The following GFPT2 variants were observed in gnomAD, a reference collection of about 807,000 sequenced individuals.
GFPT2 encodes the protein glutamine--fructose-6-phosphate transaminase 2.
GFPT2 carries 62 observed loss-of-function variants against 85.6 expected under a neutral mutation model. That is an observed-to-expected ratio of 0.72 (90% CI 0.59 to 0.90). GFPT2 has a LOEUF of 0.90. Ranked by LOEUF, GFPT2 falls within the 40% of genes least tolerant of loss-of-function variation. GFPT2 has a pLI of 0.00. For synonymous variants in GFPT2, 368 were observed against 344.5 expected, an observed-to-expected ratio of 1.07 and a Z score of -0.75; for missense variants, 788 against 893.4, an observed-to-expected ratio of 0.88 and a Z score of 1.50.
chr5:180,328,125 G>T lies in GFPT2; in HGVS notation c.596+152C>A. The T allele has an allele frequency of 1.9e-6, 1 of 537,844 alleles. No homozygotes were observed. The highest frequency in any genetic ancestry group is 2.7e-5 in the South Asian group (1 of 37,208). 33.3% of individuals were successfully genotyped at this position (537,844 alleles called of 1,614,324 possible). ...AGCACCACCAGCCATGGAGATGGTGGGGCGCGGTCCCCGGGGCTGAGCCAC... is the reference window on the plus strand; with the variant it reads ...AGCACCACCAGCCATGGAGATGGTGTGGCGCGGTCCCCGGGGCTGAGCCAC... On this transcript the variant is annotated intron_variant, in intron 7 of 18. Transcript: ENST00000253778. The surrounding 1 kb of genome is among the most constrained non-coding windows in gnomAD (Gnocchi z 5.4).
At chr5:180,302,291 A>G in intron 18 of GFPT2, 132 bp downstream of exon 18, 1 of 675,432 alleles carries the variant, frequency 1.5e-6, no homozygotes, top group Non-Finnish European at 2.3e-6. Context: ...AATCTCAAAA[A>G]AAAAAAAAAG....
chr5:180,316,232 G>GTTCGCAGC (rs1764005923), intron 13 of GFPT2, 109 bp downstream of exon 13: 1 of 1,108,200 alleles, frequency 9.0e-7, no homozygotes. Context: ...GCAAGAGAGG[G>GTTCGCAGC]TTCGCAGCAC....
rs1465722687 is a variant in GFPT2, at chr5:180,317,071, A to G, written c.959-13T>C. The G allele has an allele frequency of 2.7e-6, 4 of 1,481,300 alleles. No individual in the cohort carries two copies. Among genetic ancestry groups the G allele is most frequent in the Non-Finnish European group, 3.8e-6 (4 of 1,058,730 alleles). 91.8% of individuals were successfully genotyped at this position (1,481,300 alleles called of 1,614,324 possible). On this transcript the variant is annotated splice_polypyrimidine_tract_variant and intron_variant, in intron 10 of 18. Coordinates refer to ENST00000253778, the MANE Select transcript of GFPT2 (RefSeq NM_005110.4). ...GCACTGAAGTTACCTGGTCAAATAA[A>G]CGTCTGGTCAGTTTTAATTTCATTA... is the stretch of plus-strand genomic sequence containing the variant.
intron 1 of GFPT2, among the ~76,000 whole-genome samples, chr5:180,341,428 A>G (rs1764512990): frequency 6.6e-6 from 1 of 152,260 alleles, no homozygotes; most frequent in African/African-American, 2.4e-5. Context: ...ATAAACTTCA[A>G]TGAAATGAAT....
chr5:180,321,400 T>C (rs945482027), intron 9 of GFPT2, among the ~76,000 whole-genome samples: 2 of 152,248 alleles, frequency 1.3e-5, no homozygotes, highest in Non-Finnish European at 2.9e-5. Flanking sequence ...TTAAAACCAA[T>C]GGCCCACCAG....
chr5:180,336,790 G>A (rs1258472879), intron 2 of GFPT2, among the ~76,000 whole-genome samples: 14 of 152,230 alleles, frequency 9.2e-5, no homozygotes, highest in Admixed American at 5.2e-4. Context: ...CCTCCAGGCC[G>A]CAGCTGCCCC....
chr5:180,306,674 G>A (rs747378601), intron 16 of GFPT2, among the ~76,000 whole-genome samples: 4 of 152,204 alleles, frequency 2.6e-5, no homozygotes, highest in African/African-American at 9.7e-5. Context: ...AGTTTGAGGG[G>A]TAACAAGGAA....
At chr5:180,332,739 C>T (rs1340578331) in intron 4 of GFPT2, among the ~76,000 whole-genome samples, 2 of 152,056 alleles carry the variant, frequency 1.3e-5, no homozygotes, top group African/African-American at 2.4e-5. Flanking sequence ...AGGGTTTCAC[C>T]ATGTTAGCCA....
At chr5:180,333,806 G>A (rs1196143314) in intron 4 of GFPT2, among the ~76,000 whole-genome samples, 1 of 152,178 alleles carries the variant, frequency 6.6e-6, no homozygotes, top group Non-Finnish European at 1.5e-5. Context: ...CAGGGCTGGA[G>A]TGTCCAAGTT....
At chr5:180,347,054 G>A (rs1170089415) in intron 1 of GFPT2, among the ~76,000 whole-genome samples, 3 of 152,184 alleles carry the variant, frequency 2.0e-5, no homozygotes, top group African/African-American at 4.8e-5. Context: ...GAAGAGACAG[G>A]GGATGGACCC....
chr5:180,310,914 C>T (rs1443604245), intron 15 of GFPT2, among the ~76,000 whole-genome samples: 3 of 147,706 alleles, frequency 2.0e-5, no homozygotes, highest in African/African-American at 7.5e-5. Context: ...GTTCAAAGGG[C>T]TTTGCAGACA....
intron 4 of GFPT2, among the ~76,000 whole-genome samples, chr5:180,335,414 G>A (rs374891556): frequency 6.6e-6 from 1 of 152,332 alleles, no homozygotes; most frequent in East Asian, 1.9e-4. Flanking sequence ...GTGGGGAAAA[G>A]ACAGGTTTAG....
At position 180,330,202 on chromosome 5, in the gene GFPT2, T is replaced by C. The variant is rs1764277987; in HGVS notation, c.534+498A>G. Among the ~76,000 whole-genome samples, 1 of 152,154 alleles carries C rather than the reference T, an allele frequency of 6.6e-6. No homozygotes were observed. The highest frequency in any genetic ancestry group is 2.4e-5 in the African/African-American group (1 of 41,440). On this transcript the variant is annotated intron_variant, in intron 6 of 18. Coordinates refer to ENST00000253778, the MANE Select transcript of GFPT2 (RefSeq NM_005110.4). The surrounding 1 kb of genome is among the most constrained non-coding windows in gnomAD (Gnocchi z 4.4). ...CAGGTGTGGTGGTGCGTGCCTGTAG[T>C]CTCAGCTAACTCAGGAGGCTGAGGC...
At chr5:180,340,291 C>T (rs989346278) in intron 1 of GFPT2, among the ~76,000 whole-genome samples, 21 of 152,050 alleles carry the variant, frequency 1.4e-4, no homozygotes, top group African/African-American at 4.3e-4. Context: ...ATGGCAACCT[C>T]CGCCTCCCGG....
intron 14 of GFPT2, among the ~76,000 whole-genome samples, chr5:180,312,826 G>C (rs528598334): frequency 1.3e-5 from 2 of 152,206 alleles, no homozygotes; most frequent in South Asian, 4.2e-4. Context: ...ACCCAGGCTG[G>C]AGTGCAGTGG....
intron 13 of GFPT2, 43 bp from the exon 14 acceptor site, chr5:180,314,007 CG>C (rs1561874347): frequency 6.5e-7 from 1 of 1,539,360 alleles, no homozygotes; most frequent in African/African-American, 1.4e-5. Flanking sequence ...CCGCCAGCCT[CG>C]GCCCCACCCC....
In GFPT2 at chr5:180,319,106, A is replaced by C. The variant is rs1581375804; in HGVS notation, c.795-150T>G. The C allele has an allele frequency of 1.8e-5, 12 of 668,948 alleles. No homozygotes were observed. In the East Asian group the frequency reaches 3.3e-4, roughly 18 times the overall value. The allele number at this position is 668,948 out of a possible 1,614,324, so 41.4% of individuals were successfully genotyped here. A position where few individuals can be genotyped will look rare whatever the true frequency, so the allele number is the denominator to read the frequency against. On this transcript the variant is annotated intron_variant, in intron 9 of 18. Transcript: ENST00000253778. ...ACTAAAAACATTGATTTGCAGGTGA[A>C]TCTTCCTTTTCTTCTCCACTCTTCC... is the stretch of plus-strand genomic sequence containing the variant.
At chr5:180,301,919 G>A (rs555055613) in intron 18 of GFPT2, among the ~76,000 whole-genome samples, 2 of 151,210 alleles carry the variant, frequency 1.3e-5, no homozygotes, top group Non-Finnish European at 2.9e-5. Context: ...AACTTTTCTT[G>A]CAAGAATATA....
rs1219444292 is a variant in GFPT2 at position 180,324,258 on chromosome 5, G to A, written c.724C>T (p.Leu242=). 6.2e-7 allele frequency: 1 copy of A among 1,612,680 alleles called. No individual in the cohort carries two copies. The highest frequency in any genetic ancestry group is 8.5e-7 in the Non-Finnish European group (1 of 1,178,884). Reference sequence around the variant, plus strand: ...GCATGCAGGCAGGCGGAGCTGTCCAGCCTCTTCATCCGTGTCTTACAGATA... The same window carrying A: ...GCATGCAGGCAGGCGGAGCTGTCCAACCTCTTCATCCGTGTCTTACAGATA... ...KNICKTRMKR[L]DSSACLHAVG... is the part of the protein sequence containing the mutation. The change falls in exon 9 of 19, where the codon CTG becomes TTG. Residue 242 remains leucine (L), a synonymous_variant. Coordinates refer to ENST00000253778, the MANE Select transcript of GFPT2 (RefSeq NM_005110.4).
Sources: gnomAD v4.1 joint callset for allele counts (sites outside exome capture counted in the v4.1 genomes callset) on GRCh38, gnomAD v4.1.1 for gene constraint, Gnocchi (gnomAD v3.1) non-coding constraint, MANE v1.5 for transcripts, NCBI Gene and HGNC (gene_info 2026-07-23, HGNC 2026-07-21) for gene names.